Variants in GRIA3 observed in about 807,000 individuals in gnomAD.
GRIA3 encodes glutamate receptor 3.
A neutral mutation model predicts 63.0 loss-of-function variants in GRIA3; 3 were observed. The observed-to-expected ratio is 0.05, with a 90% CI of 0.02 to 0.12. The LOEUF (loss-of-function observed/expected upper bound fraction) is 0.12, where lower values mean the gene tolerates loss of function less well. Among genes scored for constraint, GRIA3 ranks in the 10% least tolerant of loss-of-function variants. The pLI is 1.00. For synonymous variants in GRIA3, 274 were observed against 257.9 expected, an observed-to-expected ratio of 1.06 and a Z score of -0.60; for missense variants, 347 against 700.9, an observed-to-expected ratio of 0.50 and a Z score of 5.70.
At chrX:123,294,309 A>G (rs949661482) in intron 3 of GRIA3, among the ~76,000 whole-genome samples, 1 of 111,126 alleles carries the variant, frequency 9.0e-6, no homozygotes, top group Non-Finnish European at 1.9e-5. Flanking sequence ...CAACCATACT[A>G]ATCTTTGATG....
intron 2 of GRIA3, among the ~76,000 whole-genome samples, chrX:123,252,633 G>A (rs1382510117): frequency 9.0e-6 from 1 of 111,433 alleles, no homozygotes; most frequent in African/African-American, 3.3e-5. Context: ...GAGTCTATAA[G>A]ATACATGCAA....
intron 3 of GRIA3, among the ~76,000 whole-genome samples, chrX:123,270,210 C>T (rs1328547431): frequency 8.9e-6 from 1 of 112,018 alleles, no homozygotes; most frequent in African/African-American, 3.2e-5. Context: ...CCAAGCTCTC[C>T]CTTCACCTGC....
intron 10 of GRIA3, among the ~76,000 whole-genome samples, chrX:123,415,855 C>A (rs772428474): frequency 1.6e-4 from 18 of 111,938 alleles, no homozygotes; most frequent in African/African-American, 4.9e-4. Flanking sequence ...TAGTGCTTGG[C>A]ACAGAATAAA....
intron 3 of GRIA3, among the ~76,000 whole-genome samples, chrX:123,291,697 C>A (rs2044657161): frequency 9.0e-6 from 1 of 111,189 alleles, no homozygotes; most frequent in Non-Finnish European, 1.9e-5. Context: ...ATGCTTGTTT[C>A]CCATTCACAT....
At chrX:123,391,264 A>G (rs184058214) in intron 5 of GRIA3, among the ~76,000 whole-genome samples, 7 of 110,712 alleles carry the variant, frequency 6.3e-5, no homozygotes, top group African/African-American at 2.3e-4. Flanking sequence ...TTGATGTAAC[A>G]GTTACTTCTT....
intron 3 of GRIA3, among the ~76,000 whole-genome samples, chrX:123,295,598 A>C (rs987601307): frequency 5.4e-5 from 6 of 111,239 alleles, no homozygotes; most frequent in African/African-American, 2.0e-4. Flanking sequence ...CCCTGCAAGA[A>C]AGGCACCATC....
At chrX:123,372,936 G>A (rs5911607) in intron 5 of GRIA3, among the ~76,000 whole-genome samples, 14,955 of 107,006 alleles carry the variant, frequency 0.14, 1,018 homozygotes, top group Non-Finnish European at 0.2. Context: ...ACAACATGCA[G>A]GTTTGTGCCA....
intron 5 of GRIA3, among the ~76,000 whole-genome samples, chrX:123,355,313 A>G (rs3827431): frequency 0.15 from 16,382 of 111,777 alleles, 869 homozygotes; most frequent in East Asian, 0.18. Flanking sequence ...TGATTCAAGT[A>G]TATGTGCAGA....
At chrX:123,412,153 C>T (rs2045510388) in intron 10 of GRIA3, among the ~76,000 whole-genome samples, 1 of 111,796 alleles carries the variant, frequency 8.9e-6, no homozygotes, top group Non-Finnish European at 1.9e-5. Context: ...TGACCTCTCC[C>T]TTTACCTTCT....
intron 2 of GRIA3, among the ~76,000 whole-genome samples, chrX:123,234,603 A>G (rs778100879): frequency 8.9e-6 from 1 of 111,953 alleles, no homozygotes; most frequent in East Asian, 2.8e-4. Context: ...TCCAACTACA[A>G]CATGTATCTG....
chrX:123,286,624 T>C (rs2044621519), intron 3 of GRIA3, among the ~76,000 whole-genome samples: 1 of 110,787 alleles, frequency 9.0e-6, no homozygotes, highest in Admixed American at 9.6e-5. Context: ...CATCAGAGAG[T>C]ACTATAAACA....
intron 2 of GRIA3, among the ~76,000 whole-genome samples, chrX:123,242,920 T>C (rs765399067): frequency 8.9e-6 from 1 of 112,374 alleles, no homozygotes; most frequent in South Asian, 3.7e-4. Flanking sequence ...ATATCACTTA[T>C]CAATTGAGCA....
chrX:123,324,210 G>A (rs1316160901), intron 3 of GRIA3, among the ~76,000 whole-genome samples: 2 of 112,132 alleles, frequency 1.8e-5, no homozygotes, highest in African/African-American at 3.2e-5. Context: ...AATGAGTAGA[G>A]ATTACGAGAA....
chrX:123,249,161 C>G lies in GRIA3; in HGVS notation c.269-4142C>G, dbSNP rs146924392. On this transcript the variant is annotated intron_variant, in intron 2 of 15. Coordinates refer to ENST00000620443, the MANE Select transcript of GRIA3 (RefSeq NM_007325.5). ...CTTGTGTGACCTTGTGTAAGACACT[C>G]CCTCCCTTTGTGTCATAGTTTCTTT... Among the ~76,000 whole-genome samples the G allele has an allele frequency of 2.1e-3, 240 of 112,001 alleles. 2 individuals are homozygous for G. Among genetic ancestry groups the G allele is most frequent in the African/African-American group, 7.1e-3 (219 of 30,822 alleles).
intron 2 of GRIA3, among the ~76,000 whole-genome samples, chrX:123,203,359 A>G (rs1366492448): frequency 8.9e-6 from 1 of 112,160 alleles, no homozygotes; most frequent in African/African-American, 3.2e-5. Context: ...CTAACTAGCT[A>G]TGAGACTGCC....
chrX:123,488,376 T>G (rs1344045823), intron 15 of GRIA3, among the ~76,000 whole-genome samples: 2 of 112,636 alleles, frequency 1.8e-5, no homozygotes, highest in African/African-American at 6.5e-5. Flanking sequence ...TGAACAATCC[T>G]TTGTCATAGT....
intron 12 of GRIA3, among the ~76,000 whole-genome samples, chrX:123,434,603 T>C (rs2045635248): frequency 9.0e-6 from 1 of 111,647 alleles, no homozygotes; most frequent in Non-Finnish European, 1.9e-5. Context: ...TGTTATATAA[T>C]ACACAGCAAG....
intron 12 of GRIA3, among the ~76,000 whole-genome samples, chrX:123,445,029 C>T (rs2045696036): frequency 8.9e-6 from 1 of 111,774 alleles, no homozygotes; most frequent in African/African-American, 3.3e-5. Flanking sequence ...CCTTTATCTA[C>T]ATCAGCAGTT....
chrX:123,187,445 G>A (rs191966453), intron 2 of GRIA3, among the ~76,000 whole-genome samples: 14 of 111,985 alleles, frequency 1.3e-4, no homozygotes, highest in Admixed American at 4.7e-4. Flanking sequence ...TGAAAGTTAC[G>A]AAATGTCTGT....
Sources: allele counts gnomAD v4.1 joint callset (sites outside exome capture counted in the v4.1 genomes callset), GRCh38; gene constraint gnomAD v4.1.1; transcripts MANE v1.5; gene names NCBI Gene and HGNC (gene_info 2026-07-23, HGNC 2026-07-21).